The following LRP1 variants were observed in gnomAD, a reference collection of about 807,000 sequenced individuals.
LRP1 encodes the protein LDL receptor related protein 1, also known as prolow-density lipoprotein receptor-related protein 1.
LRP1 carries 51 observed loss-of-function variants against 541.5 expected under a neutral mutation model. The observed-to-expected ratio is 0.09, with a 90% CI of 0.08 to 0.12. The LOEUF (loss-of-function observed/expected upper bound fraction) is 0.12. LRP1 is among the 10% of genes least tolerant of loss of function. The probability of loss-of-function intolerance (pLI) is 1.00; values close to 1 mark genes in which losing one functional copy is unlikely to be tolerated. For missense variants in LRP1, 3,878 were observed against 6,376.2 expected, an observed-to-expected ratio of 0.61 and a Z score of 13.34; for synonymous variants, 2,219 against 2,470.8, an observed-to-expected ratio of 0.90 and a Z score of 3.02.
chr12:57,202,784 C>T (rs896513020), intron 68 of LRP1: 21 of 588,302 alleles, frequency 3.6e-5, no homozygotes, highest in African/African-American at 2.4e-4. Context: ...CTGATGTGCC[C>T]GTGCTCCCAC....
chr12:57,194,942 C>A (rs746166816), intron 50 of LRP1, 43 bp from the exon 51 acceptor site: 2 of 1,524,822 alleles, frequency 1.3e-6, no homozygotes, highest in Non-Finnish European at 1.8e-6. Flanking sequence ...AGGTGGGTGA[C>A]CCCCACCCTT....
At position 57,212,151 on chromosome 12, in the gene LRP1, G is replaced by A. The variant is rs1171111492; in HGVS notation, c.13384G>A (p.Gly4462Arg). 2 of 1,614,004 alleles carry A rather than the reference G, an allele frequency of 1.2e-6. No individual in the cohort carries two copies. The highest frequency in any genetic ancestry group is 1.1e-5 in the South Asian group (1 of 91,082). Reference protein sequence around the residue: ...KGFQHQRMTNGAMNVEIGNPT... With the variant: ...KGFQHQRMTNRAMNVEIGNPT... ...CTTCCAGCACCAACGGATGACCAACGGGGCCATGAACGTGGAGATTGGAAA... is the reference window on the plus strand; with the variant it reads ...CTTCCAGCACCAACGGATGACCAACAGGGCCATGAACGTGGAGATTGGAAA... Residue 4462 changes from glycine to arginine, a missense_variant, in exon 88 of 89, where the codon GGG becomes AGG. By Grantham distance (125) the Gly-to-Arg change is moderately radical. This residue lies in a region of LRP1 where 871 missense variants were observed against 1,212.4 expected (regional missense o/e 0.72). Transcript: ENST00000243077. The surrounding 1 kb of genome is among the most constrained non-coding windows in gnomAD (Gnocchi z 5.0).
chr12:57,184,296 C>T lies in LRP1; in HGVS notation c.6060-30C>T. 6.2e-7 allele frequency: 1 copy of T among 1,614,156 alleles called. No individual in the cohort carries two copies. Among genetic ancestry groups the T allele is most frequent in the East Asian group, 2.2e-5 (1 of 44,878 alleles). Reference sequence around the variant, plus strand: ...CCCTGTCTCCTCCAGGGTCTGAGGACTGACCCCCACTTCCACCCCCACCCT... The same window carrying T: ...CCCTGTCTCCTCCAGGGTCTGAGGATTGACCCCCACTTCCACCCCCACCCT... On this transcript the variant is annotated intron_variant, in intron 37 of 88. Transcript: ENST00000243077. This position sits in a 1 kb window ranked among gnomAD's most constrained non-coding sequence, Gnocchi z 7.8.
chr12:57,158,955 T>TG lies in LRP1; in HGVS notation c.1798+319dup, dbSNP rs1181067411. On this transcript the variant is annotated intron_variant, in intron 11 of 88. Coordinates refer to ENST00000243077, the MANE Select transcript of LRP1 (RefSeq NM_002332.3). This position sits in a 1 kb window ranked among gnomAD's most constrained non-coding sequence, Gnocchi z 5.3. ...CCAGGGGACAACTGAGGTCTTGAAT[T>TG]GGAGACAGGCCTGCCAGATCAAAAC... 6.6e-6 allele frequency among the ~76,000 whole-genome samples: 1 copy of TG among 152,164 alleles called. No homozygotes were observed. The highest frequency in any genetic ancestry group is 1.5e-5 in the Non-Finnish European group (1 of 68,014).
intron 34 of LRP1, among the ~76,000 whole-genome samples, 198 bp downstream of exon 34, chr12:57,181,489 G>A (rs539647785): frequency 6.6e-4 from 101 of 152,318 alleles, no homozygotes; most frequent in Non-Finnish European, 1.3e-3. Context: ...CAGGCAGATC[G>A]GGGCAGCTGC....
chr12:57,168,612 G>A (rs934066633), intron 19 of LRP1, among the ~76,000 whole-genome samples: 3 of 152,212 alleles, frequency 2.0e-5, no homozygotes, highest in Non-Finnish European at 2.9e-5. Context: ...GAAAGCAGGA[G>A]CTTCCTTCAG....
In LRP1 at chr12:57,178,835, G is replaced by A; in HGVS notation, c.4607-55G>A. 3 of 1,576,280 alleles carry A rather than the reference G, an allele frequency of 1.9e-6. No individual in the cohort carries two copies. Among genetic ancestry groups the A allele is most frequent in the Non-Finnish European group, 1.7e-6 (2 of 1,166,000 alleles). On this transcript the variant is annotated intron_variant, in intron 27 of 88. Transcript: ENST00000243077. This position sits in a 1 kb window ranked among gnomAD's most constrained non-coding sequence, Gnocchi z 5.8. ...GGCGAGGAAGGGGTGGTCCATGTAGGGAGCAGCAAGTCACAGGATGCTCTG... is the reference window on the plus strand; with the variant it reads ...GGCGAGGAAGGGGTGGTCCATGTAGAGAGCAGCAAGTCACAGGATGCTCTG...
chr12:57,208,164 A>C lies in LRP1; in HGVS notation c.11986A>C (p.Ile3996Leu). 6.2e-7 allele frequency: 1 copy of C among 1,614,108 alleles called. No individual in the cohort carries two copies. Among genetic ancestry groups the C allele is most frequent in the Non-Finnish European group, 8.5e-7 (1 of 1,180,008 alleles). Residue 3996 changes from isoleucine to leucine, a missense_variant, in exon 77 of 89, where the codon ATC (isoleucine) becomes CTC (leucine). By Grantham distance (5) the Ile-to-Leu change is conservative (BLOSUM62 2). This residue lies in a region of LRP1 where 871 missense variants were observed against 1,212.4 expected (regional missense o/e 0.72). Transcript: ENST00000243077. Reference protein sequence around the residue: ...QMKGENRKTLISGMIDEPHAI... With the variant: ...QMKGENRKTLLSGMIDEPHAI... ...GAAGGGCGAGAACCGCAAGACGCTCATCTCGGGCATGATTGACGAGCCCCA... is the reference window on the plus strand; with the variant it reads ...GAAGGGCGAGAACCGCAAGACGCTCCTCTCGGGCATGATTGACGAGCCCCA...
intron 44 of LRP1, among the ~76,000 whole-genome samples, chr12:57,191,793 A>C (rs1378073751): frequency 3.0e-5 from 2 of 67,116 alleles, no homozygotes; most frequent in African/African-American, 1.1e-4. Context: ...TACACACACC[A>C]CACATATCAC....
At position 57,199,662 on chromosome 12, in the gene LRP1, C is replaced by T. The variant is rs1217839388; in HGVS notation, c.9866-215C>T. On this transcript the variant is annotated intron_variant, in intron 61 of 88. Coordinates refer to ENST00000243077, the MANE Select transcript of LRP1 (RefSeq NM_002332.3). ...CCCAGCCCCCAGAAGGAAGGCAGGC[C>T]GGCCCCTGGGAGGGAAGCACAGAGG... is the stretch of plus-strand genomic sequence containing the variant. 3.3e-5 allele frequency among the ~76,000 whole-genome samples: 5 copies of T among 152,122 alleles called. 1 individual carries two copies. Among genetic ancestry groups the T allele is most frequent in the Admixed American group, 1.3e-4 (2 of 15,284 alleles).
At chr12:57,170,179 C>T (rs1210516241) in intron 20 of LRP1, among the ~76,000 whole-genome samples, 1 of 152,232 alleles carries the variant, frequency 6.6e-6, no homozygotes, top group African/African-American at 2.4e-5. Context: ...ATGTCTGTCA[C>T]CAGATCCCCA....
rs1220213500 is a variant in LRP1 at position 57,205,652 on chromosome 12, G to A, written c.11565G>A (p.Lys3855=). Residue 3855 remains lysine (K), a synonymous_variant, in exon 75 of 89, where the codon AAG becomes AAA. Coordinates refer to ENST00000243077, the MANE Select transcript of LRP1 (RefSeq NM_002332.3). The surrounding 1 kb of genome is among the most constrained non-coding windows in gnomAD (Gnocchi z 4.6). ...HLCSCARNFM[K]THNTCKAEGS... ...GCAGCTGCGCTCGGAACTTCATGAA[G>A]ACGCACAACACCTGCAAGGCCGAAG... The A allele has an allele frequency of 5.6e-6, 9 of 1,612,616 alleles. No individual in the cohort carries two copies. The African/African-American group carries it at 1.2e-4, about 22-fold the overall frequency.
chr12:57,212,074 C>T lies in LRP1; in HGVS notation c.13350-43C>T. On this transcript the variant is annotated intron_variant, in intron 87 of 88. Coordinates refer to ENST00000243077, the MANE Select transcript of LRP1 (RefSeq NM_002332.3). This position sits in a 1 kb window ranked among gnomAD's most constrained non-coding sequence, Gnocchi z 5.0. ...CATTATTTTGCCATCCTAGCCTTCC[C>T]CCCCAATAATCTCTGTCTCCTTATA... The T allele has an allele frequency of 3.1e-6, 5 of 1,613,150 alleles. No homozygotes were observed. The highest frequency in any genetic ancestry group is 4.2e-6 in the Non-Finnish European group (5 of 1,179,310).
Position 57,184,747 on chromosome 12 carries a change from C to G in LRP1, c.6187-92C>G. 1 of 1,399,882 alleles carries G rather than the reference C, an allele frequency of 7.1e-7. No individual in the cohort carries two copies. Among genetic ancestry groups the G allele is most frequent in the Non-Finnish European group, 9.8e-7 (1 of 1,024,072 alleles). The allele number at this position is 1,399,882 out of a possible 1,614,324, so 86.7% of individuals were successfully genotyped here. ...AGTTAGGGGAGGCTGAACTGAGGGC[C>G]TCACTCTGGCCCAGGCACTCCCTGC... On this transcript the variant is annotated intron_variant, in intron 38 of 88. Transcript: ENST00000243077. This position sits in a 1 kb window ranked among gnomAD's most constrained non-coding sequence, Gnocchi z 7.8.
chr12:57,173,310 C>G lies in LRP1; in HGVS notation c.3306C>G (p.His1102Gln), dbSNP rs778386643. Reference protein sequence around the residue: ...SDEKSCEGVTHVCDPSVKFGC... With the variant: ...SDEKSCEGVTQVCDPSVKFGC... The stretch of plus-strand genomic sequence containing the variant: ...AGAAGAGCTGTGAGGGAGTGACCCA[C>G]GTCTGCGATCCCAGTGTCAAGTTTG... Residue 1102 changes from histidine (H) to glutamine (Q), a missense_variant, in exon 21 of 89, where the codon CAC becomes CAG. His to Gln is a conservative substitution (Grantham distance 24). Coordinates refer to ENST00000243077, the MANE Select transcript of LRP1 (RefSeq NM_002332.3). This position sits in a 1 kb window ranked among gnomAD's most constrained non-coding sequence, Gnocchi z 4.7. 6.2e-7 allele frequency: 1 copy of G among 1,614,006 alleles called. No individual in the cohort carries two copies. The highest frequency in any genetic ancestry group is 1.1e-5 in the South Asian group (1 of 91,076).
chr12:57,179,721 TC>T lies in LRP1; in HGVS notation c.4967-57del. On this transcript the variant is annotated intron_variant, in intron 29 of 88. Transcript: ENST00000243077. This position sits in a 1 kb window ranked among gnomAD's most constrained non-coding sequence, Gnocchi z 6.8. Reference sequence around the variant, plus strand: ...CCTTTTCTCCAGAAGGCACACTGGCTCCCCTCCTGACCCACTGCCCTGCAGA... The same window carrying T: ...CCTTTTCTCCAGAAGGCACACTGGCTCCCTCCTGACCCACTGCCCTGCAGA... 1.3e-6 allele frequency: 2 copies of T among 1,525,944 alleles called. No individual in the cohort carries two copies. Among genetic ancestry groups the T allele is most frequent in the Non-Finnish European group, 9.0e-7 (1 of 1,110,016 alleles). The allele number at this position is 1,525,944 out of a possible 1,614,324, so 94.5% of individuals were successfully genotyped here. A position where few individuals can be genotyped will look rare whatever the true frequency, so the allele number is the denominator to read the frequency against.
Position 57,128,693 on chromosome 12 carries a change from G to T in LRP1, c.-272G>T. On this transcript the variant is annotated 5_prime_UTR_variant, in exon 1 of 89. Coordinates refer to ENST00000243077, the MANE Select transcript of LRP1 (RefSeq NM_002332.3). ...GGGCTGTGAGCTTCGCCCGGGGAGG[G>T]GGAAAGAGCAGCGAGGAGTGAAGCG... is the stretch of plus-strand genomic sequence containing the variant. 1 of 413,314 alleles carries T rather than the reference G, an allele frequency of 2.4e-6. No individual in the cohort carries two copies. Among genetic ancestry groups the T allele is most frequent in the African/African-American group, 2.0e-5 (1 of 49,272 alleles). The allele number at this position is 413,314 out of a possible 1,614,324, so 25.6% of individuals were successfully genotyped here.
At chr12:57,195,505 A>T in intron 52 of LRP1, 106 bp downstream of exon 52, 1 of 1,569,510 alleles carries the variant, frequency 6.4e-7, no homozygotes, top group Non-Finnish European at 8.6e-7. Flanking sequence ...AGCGGGGTCC[A>T]CTGGGGGCGG....
intron 18 of LRP1, 64 bp from the exon 19 acceptor site, chr12:57,167,380 T>G (rs2035860425): frequency 1.6e-6 from 2 of 1,213,220 alleles, no homozygotes; most frequent in African/African-American, 3.0e-5. Flanking sequence ...TGCACTCACC[T>G]GCCCAGTACT....
Sources: allele counts gnomAD v4.1 joint callset (sites outside exome capture counted in the v4.1 genomes callset), GRCh38; gene constraint gnomAD v4.1.1; regional missense constraint gnomAD v4.1.1; non-coding constraint Gnocchi (gnomAD v3.1); transcripts MANE v1.5; gene names NCBI Gene and HGNC (gene_info 2026-07-23, HGNC 2026-07-21).